Variants in DROSHA observed in about 807,000 individuals in gnomAD.
DROSHA encodes ribonuclease 3.
Under a neutral mutation model 181.9 loss-of-function variants are expected in DROSHA, and 56 were observed. The ratio of observed to expected loss-of-function variants is 0.31; its 90% CI spans 0.25 to 0.38. The LOEUF (loss-of-function observed/expected upper bound fraction) is 0.38. Ranked by LOEUF, DROSHA falls within the 10% of genes least tolerant of loss-of-function variation. The pLI is 1.00. For synonymous variants in DROSHA, 524 were observed against 591.2 expected, an observed-to-expected ratio of 0.89 and a Z score of 1.65; for missense variants, 1,218 against 1,743.5, an observed-to-expected ratio of 0.70 and a Z score of 5.37.
intron 11 of DROSHA, among the ~76,000 whole-genome samples, chr5:31,499,973 C>A (rs1055564437): frequency 5.3e-5 from 8 of 152,172 alleles, no homozygotes; most frequent in Admixed American, 1.3e-4. Flanking sequence ...AGGGGCCAAG[C>A]CTCAAAGAAA....
At chr5:31,462,206 A>G (rs1048736524) in intron 20 of DROSHA, among the ~76,000 whole-genome samples, 1 of 152,134 alleles carries the variant, frequency 6.6e-6, no homozygotes, top group Non-Finnish European at 1.5e-5. Flanking sequence ...TATTCAGTAT[A>G]TGAACTCATA....
At chr5:31,401,656 T>C (rs1268323173) in intron 35 of DROSHA, 94 bp from the exon 36 acceptor site, 1 of 772,434 alleles carries the variant, frequency 1.3e-6, no homozygotes, top group Non-Finnish European at 1.7e-6. Flanking sequence ...CATACAAATA[T>C]ACGTGCATAT....
rs766235497 is a variant in DROSHA at position 31,472,250 on chromosome 5, G to A, written c.2072-18C>T. The A allele has an allele frequency of 4.1e-5, 64 of 1,575,246 alleles. No homozygotes were observed. Among genetic ancestry groups the A allele is most frequent in the Non-Finnish European group, 5.3e-5 (61 of 1,159,662 alleles). On this transcript the variant is annotated intron_variant, in intron 16 of 35. Transcript: ENST00000344624. ...TCCTCCATCTTGGGTGGGAATGGGAGTGGAGAGAAGGGGAAAAATAAGGCT... is the reference window on the plus strand; with the variant it reads ...TCCTCCATCTTGGGTGGGAATGGGAATGGAGAGAAGGGGAAAAATAAGGCT...
chr5:31,531,943 T>C, intron 1 of DROSHA, 47 bp downstream of exon 1: 1 of 173,084 alleles, frequency 5.8e-6, no homozygotes, highest in Non-Finnish European at 1.3e-5. Context: ...GTTTAAATCC[T>C]GACACTCGGA....
chr5:31,466,840 G>A (rs1749073814), intron 18 of DROSHA, among the ~76,000 whole-genome samples: 1 of 152,126 alleles, frequency 6.6e-6, no homozygotes, highest in African/African-American at 2.4e-5. Context: ...TATTTACCAT[G>A]ACAATATAAG....
At chr5:31,426,121 G>C (rs944069008) in intron 27 of DROSHA, among the ~76,000 whole-genome samples, 3 of 151,814 alleles carry the variant, frequency 2.0e-5, no homozygotes, top group African/African-American at 7.3e-5. Flanking sequence ...TTTCATGTCT[G>C]CTGCCACCCA....
At chr5:31,498,433 A>G (rs1307278327) in intron 11 of DROSHA, among the ~76,000 whole-genome samples, 2 of 152,048 alleles carry the variant, frequency 1.3e-5, no homozygotes, top group Admixed American at 1.3e-4. Context: ...TAATCTGAGA[A>G]CTAACAGCAG....
intron 24 of DROSHA, among the ~76,000 whole-genome samples, chr5:31,436,978 G>C (rs1021634950): frequency 1.3e-5 from 2 of 152,116 alleles, no homozygotes; most frequent in Admixed American, 1.3e-4. Flanking sequence ...ATCTCTTGTG[G>C]CTGTAAGCAA....
At position 31,470,750 on chromosome 5, in the gene DROSHA, G is replaced by C. The variant is rs974108470; in HGVS notation, c.2241+1313C>G. Reference sequence around the variant, plus strand: ...AGCTGATTCTAGATTTCAGGAAAACGTAACTATACCATGGAAGGAAGTCCA... The same window carrying C: ...AGCTGATTCTAGATTTCAGGAAAACCTAACTATACCATGGAAGGAAGTCCA... On this transcript the variant is annotated intron_variant, in intron 17 of 35. Coordinates refer to ENST00000344624, the MANE Select transcript of DROSHA (RefSeq NM_001382508.1). The surrounding 1 kb of genome is among the most constrained non-coding windows in gnomAD (Gnocchi z 4.0). Among the ~76,000 whole-genome samples the C allele has an allele frequency of 6.6e-6, 1 of 151,862 alleles. No individual in the cohort carries two copies. Among genetic ancestry groups the C allele is most frequent in the African/African-American group, 2.4e-5 (1 of 41,336 alleles).
rs904940176 is a variant in DROSHA, at chr5:31,451,626, T to C, written c.2589A>G (p.Leu863=). The C allele has an allele frequency of 1.2e-6, 2 of 1,611,646 alleles. No homozygotes were observed. Among genetic ancestry groups the C allele is most frequent in the African/African-American group, 1.3e-5 (1 of 74,864 alleles). The change falls in exon 21 of 36, where the codon CTA becomes CTG. Residue 863 remains leucine (L), a synonymous_variant. Transcript: ENST00000344624. ...RSDVCQHAMM[L]PVLTHHIRYH... is the part of the protein sequence containing the mutation. ...AGCGGATATGATGGGTCAGAACAGG[T>C]AGCATCATTGCATGCTAGGAAAAAA...
intron 25 of DROSHA, among the ~76,000 whole-genome samples, chr5:31,431,889 C>T (rs1744224952): frequency 6.6e-6 from 1 of 152,090 alleles, no homozygotes; most frequent in African/African-American, 2.4e-5. Flanking sequence ...AATTCTTTCC[C>T]AAACAGGCTT....
chr5:31,447,751 C>T (rs1278071366), intron 23 of DROSHA, among the ~76,000 whole-genome samples: 1 of 152,126 alleles, frequency 6.6e-6, no homozygotes, highest in Non-Finnish European at 1.5e-5. Flanking sequence ...TGAAAAGATG[C>T]TCAATTTCAT....
chr5:31,475,495 T>G (rs1750258433), intron 16 of DROSHA, among the ~76,000 whole-genome samples: 1 of 152,226 alleles, frequency 6.6e-6, no homozygotes, highest in South Asian at 2.1e-4. Context: ...AACAGGTGGA[T>G]GAGAAAATTC....
intron 8 of DROSHA, 54 bp from the exon 9 acceptor site, chr5:31,511,230 A>T: frequency 6.8e-7 from 1 of 1,478,914 alleles, no homozygotes; most frequent in Non-Finnish European, 9.2e-7. Context: ...GATCATATCA[A>T]AGATATGTAA....
Position 31,527,457 on chromosome 5 carries a change from T to C in DROSHA, c.21-545A>G, listed in dbSNP as rs1298448215. The C allele has an allele frequency of 1.3e-5, 2 of 155,616 alleles. 1 individual carries two copies. 9.6% of individuals were successfully genotyped at this position (155,616 alleles called of 1,614,324 possible). A position where few individuals can be genotyped will look rare whatever the true frequency, so the allele number is the denominator to read the frequency against. ...GGTCTCCCTTGACTTTGCCCCTTCT[T>C]TGTCCTCCCCTTTACAGTCAAATGA... On this transcript the variant is annotated intron_variant, in intron 4 of 35. Transcript: ENST00000344624.
At chr5:31,486,646 G>T in intron 13 of DROSHA, 84 bp from the exon 14 acceptor site, 3 of 1,193,566 alleles carry the variant, frequency 2.5e-6, no homozygotes, top group Non-Finnish European at 3.6e-6. Context: ...GACCCAAAAG[G>T]CCATGAACCA....
intron 16 of DROSHA, among the ~76,000 whole-genome samples, chr5:31,473,083 T>C (rs1042386033): frequency 3.3e-5 from 5 of 149,654 alleles, no homozygotes; most frequent in African/African-American, 1.3e-4. Flanking sequence ...ACAAGAGCCC[T>C]GAAGAGGACA....
chr5:31,468,406 G>T (rs957754231), intron 17 of DROSHA, among the ~76,000 whole-genome samples: 1 of 152,158 alleles, frequency 6.6e-6, no homozygotes, highest in Admixed American at 6.5e-5. Context: ...CCACATCACA[G>T]GCAGAGCCTC....
intron 7 of DROSHA, 103 bp downstream of exon 7, chr5:31,515,351 T>C (rs1399502479): frequency 8.8e-7 from 1 of 1,136,972 alleles, no homozygotes; most frequent in Non-Finnish European, 1.2e-6. Flanking sequence ...TGTACTTTTG[T>C]TAAACCAGTG....
Sources: gnomAD v4.1 joint callset for allele counts (sites outside exome capture counted in the v4.1 genomes callset) on GRCh38, gnomAD v4.1.1 for gene constraint, Gnocchi (gnomAD v3.1) non-coding constraint, MANE v1.5 for transcripts, NCBI Gene and HGNC (gene_info 2026-07-23, HGNC 2026-07-21) for gene names.